Variants in CRPPA observed in about 807,000 individuals in gnomAD.
The protein encoded by CRPPA is D-ribitol-5-phosphate cytidylyltransferase.
CRPPA carries 43 observed loss-of-function variants against 52.0 expected under a neutral mutation model. That is an observed-to-expected ratio of 0.83 (90% CI 0.65 to 1.07). The LOEUF (loss-of-function observed/expected upper bound fraction) is 1.07. CRPPA is among the 50% of genes least tolerant of loss of function. The probability of loss-of-function intolerance (pLI) is 0.00; values close to 1 mark genes in which losing one functional copy is unlikely to be tolerated. For missense variants in CRPPA, 629 were observed against 551.7 expected (o/e 1.14, Z -1.40); for synonymous variants, 250 against 203.5 (o/e 1.23, Z -1.94).
In CRPPA at chr7:16,199,197, A is replaced by G. The variant is rs140966634; in HGVS notation, c.1251+16869T>C. On this transcript the variant is annotated intron_variant, in intron 9 of 9. Transcript: ENST00000407010. ...TCAACTCTGGTTGTACATTACAATC[A>G]CCTGGGGATTTTAAATGTCCTCCCA... Among the ~76,000 whole-genome samples, 253 of 152,162 alleles carry G rather than the reference A, an allele frequency of 1.7e-3. No individual in the cohort carries two copies. In the East Asian group the frequency reaches 0.018, roughly 11 times the overall value.
intron 1 of CRPPA, among the ~76,000 whole-genome samples, chr7:16,420,292 T>G (rs1367858731): frequency 3.3e-5 from 5 of 152,202 alleles, no homozygotes; most frequent in African/African-American, 1.2e-4. Flanking sequence ...ATGTGGATAT[T>G]TGTAATGCCG....
chr7:16,229,666 G>C (rs1198671889), intron 8 of CRPPA, among the ~76,000 whole-genome samples: 1 of 152,058 alleles, frequency 6.6e-6, no homozygotes, highest in East Asian at 1.9e-4. Flanking sequence ...TGATAAAAAT[G>C]ATTTACACAC....
chr7:16,340,616 GAA>G (rs869043539), intron 3 of CRPPA, among the ~76,000 whole-genome samples: 1 of 37,492 alleles, frequency 2.7e-5, no homozygotes, highest in Non-Finnish European at 5.7e-5. Context: ...AAAAAAAAAA[GAA>G]AAAAAAAACG....
Position 16,355,506 on chromosome 7 carries a change from C to G in CRPPA, c.684+20586G>C, listed in dbSNP as rs983784998. Among the ~76,000 whole-genome samples, 10 of 152,300 alleles carry G rather than the reference C, an allele frequency of 6.6e-5. No homozygotes were observed. In the South Asian group the frequency reaches 2.1e-3, roughly 32 times the overall value. ...ACCAAATGACCATTGGATGTCTTTTCAGTCTCTACTCGATGCTTTCTGGAT... is the reference window on the plus strand; with the variant it reads ...ACCAAATGACCATTGGATGTCTTTTGAGTCTCTACTCGATGCTTTCTGGAT... On this transcript the variant is annotated intron_variant, in intron 3 of 9. Transcript: ENST00000407010.
chr7:16,229,264 T>C (rs1479711091), intron 8 of CRPPA, among the ~76,000 whole-genome samples: 1 of 152,042 alleles, frequency 6.6e-6, no homozygotes, highest in Admixed American at 6.6e-5. Flanking sequence ...TGGAAAAATA[T>C]ACTTACATTC....
intron 3 of CRPPA, among the ~76,000 whole-genome samples, chr7:16,352,420 AT>A (rs146344116): frequency 0.28 from 42,405 of 150,996 alleles, 6,192 homozygotes; most frequent in Admixed American, 0.33. Flanking sequence ...ACAACAAAAA[AT>A]TTAAAAAAAA....
chr7:16,187,230 C>T (rs1781523459), intron 9 of CRPPA, among the ~76,000 whole-genome samples: 1 of 152,110 alleles, frequency 6.6e-6, no homozygotes, highest in South Asian at 2.1e-4. Flanking sequence ...AGCATATGTA[C>T]TACATTGTTC....
chr7:16,407,451 G>A (rs769695120), intron 1 of CRPPA, among the ~76,000 whole-genome samples: 3 of 152,058 alleles, frequency 2.0e-5, no homozygotes, highest in African/African-American at 4.8e-5. Flanking sequence ...CCAAGACAAC[G>A]GTCTCTGACC....
At chr7:16,387,227 T>A (rs1335221560) in intron 2 of CRPPA, among the ~76,000 whole-genome samples, 2 of 150,912 alleles carry the variant, frequency 1.3e-5, no homozygotes, top group Non-Finnish European at 3.0e-5. Flanking sequence ...TGGCAAAAAA[T>A]ATAATGGATT....
chr7:16,403,455 C>T (rs1415272216), intron 2 of CRPPA, among the ~76,000 whole-genome samples: 1 of 151,862 alleles, frequency 6.6e-6, no homozygotes, highest in Non-Finnish European at 1.5e-5. Context: ...CATACATAAC[C>T]CACCCCTCCC....
chr7:16,306,684 G>T (rs748784459), intron 4 of CRPPA, among the ~76,000 whole-genome samples: 1 of 152,096 alleles, frequency 6.6e-6, no homozygotes, highest in Non-Finnish European at 1.5e-5. Context: ...TTCAAATTAG[G>T]TCTGCCAGAC....
At chr7:16,328,675 C>G (rs192373348) in intron 3 of CRPPA, among the ~76,000 whole-genome samples, 1 of 151,968 alleles carries the variant, frequency 6.6e-6, no homozygotes, top group Non-Finnish European at 1.5e-5. Context: ...CCACCACGCC[C>G]GGTTAATTTT....
intron 6 of CRPPA, among the ~76,000 whole-genome samples, chr7:16,260,554 C>A (rs12534102): frequency 0.12 from 17,648 of 152,032 alleles, 1,066 homozygotes; most frequent in Non-Finnish European, 0.14. Context: ...ACTCTGTAGT[C>A]TCAGATCTTC....
intron 2 of CRPPA, among the ~76,000 whole-genome samples, chr7:16,395,639 T>C (rs1787551100): frequency 1.3e-5 from 2 of 152,206 alleles, no homozygotes; most frequent in South Asian, 4.1e-4. Context: ...CATATTACTG[T>C]AGTACACCAC....
intron 3 of CRPPA, among the ~76,000 whole-genome samples, chr7:16,335,858 C>A (rs1326253438): frequency 1.3e-5 from 2 of 152,138 alleles, no homozygotes. Flanking sequence ...AAACAATATT[C>A]AAAGCAGTGG....
intron 9 of CRPPA, among the ~76,000 whole-genome samples, chr7:16,171,166 G>T (rs1006958194): frequency 1.3e-5 from 2 of 152,164 alleles, no homozygotes; most frequent in Non-Finnish European, 2.9e-5. Flanking sequence ...TAGATTTTTG[G>T]CAGAAAGACA....
intron 9 of CRPPA, among the ~76,000 whole-genome samples, chr7:16,177,529 G>A (rs920028675): frequency 6.6e-5 from 10 of 152,020 alleles, no homozygotes; most frequent in Admixed American, 6.6e-5. Context: ...GAGAATAAAT[G>A]TAATAACCCA....
intron 8 of CRPPA, among the ~76,000 whole-genome samples, chr7:16,253,609 T>C (rs901887778): frequency 2.0e-5 from 3 of 152,214 alleles, no homozygotes; most frequent in Non-Finnish European, 2.9e-5. Context: ...GTTCTGTAGA[T>C]GTCTATTAGG....
At chr7:16,122,577 C>T (rs1437965360) in intron 9 of CRPPA, among the ~76,000 whole-genome samples, 1 of 151,952 alleles carries the variant, frequency 6.6e-6, no homozygotes, top group Non-Finnish European at 1.5e-5. Flanking sequence ...GAAAGGACAA[C>T]TTGAACTGAG....
Sources: gnomAD v4.1 joint callset for allele counts (sites outside exome capture counted in the v4.1 genomes callset) on GRCh38, gnomAD v4.1.1 for gene constraint, MANE v1.5 for transcripts, NCBI Gene and HGNC (gene_info 2026-07-23, HGNC 2026-07-21) for gene names.